OPRM1: variants seen among roughly 807,000 people sequenced by gnomAD.
OPRM1 encodes the protein mu-type opioid receptor.
Under a neutral mutation model 31.8 loss-of-function variants are expected in OPRM1, and 27 were observed. That is an observed-to-expected ratio of 0.85 (90% confidence interval 0.63 to 1.17). The LOEUF (loss-of-function observed/expected upper bound fraction) is 1.17. Among genes scored for constraint, OPRM1 ranks in the 50% most tolerant of loss-of-function variants. The probability of loss-of-function intolerance (pLI) is 0.00; values close to 1 mark genes in which losing one functional copy is unlikely to be tolerated. For missense variants in OPRM1, 536 were observed against 511.1 expected, an observed-to-expected ratio of 1.05 and a Z score of -0.47; for synonymous variants, 196 against 189.9, an observed-to-expected ratio of 1.03 and a Z score of -0.26.
chr6:154,213,025 G>C, intron 3 of OPRM1: 1 of 586,868 alleles, frequency 1.7e-6, no homozygotes, highest in East Asian at 2.8e-5. Context: ...TACATAAGAG[G>C]CAGAAACAAA....
intron 3 of OPRM1, among the ~76,000 whole-genome samples, chr6:154,106,073 A>C (rs1795524662): frequency 6.6e-6 from 1 of 152,204 alleles, no homozygotes; most frequent in South Asian, 2.1e-4. Context: ...CACACACAGA[A>C]TCTCTTACAA....
At chr6:154,193,233 T>C (rs1222867651) in intron 3 of OPRM1, among the ~76,000 whole-genome samples, 2 of 152,192 alleles carry the variant, frequency 1.3e-5, no homozygotes, top group Non-Finnish European at 1.5e-5. Flanking sequence ...TTGGATGGAA[T>C]TGGAGGCCAT....
intron 1 of OPRM1, among the ~76,000 whole-genome samples, chr6:154,064,699 T>C (rs1282815056): frequency 6.6e-6 from 1 of 152,202 alleles, no homozygotes; most frequent in African/African-American, 2.4e-5. Context: ...AGTTATTCTC[T>C]TGCATGTGAA....
intron 3 of OPRM1, among the ~76,000 whole-genome samples, chr6:154,226,490 T>C (rs955457250): frequency 6.6e-6 from 1 of 152,148 alleles, no homozygotes; most frequent in African/African-American, 2.4e-5. Context: ...AACTCTTCCA[T>C]TCCCTTCTCG....
chr6:154,206,579 T>G (rs974922154), intron 3 of OPRM1, among the ~76,000 whole-genome samples: 4 of 148,488 alleles, frequency 2.7e-5, no homozygotes, highest in African/African-American at 7.6e-5. Flanking sequence ...AAATCTCTAA[T>G]CAAAAGCAGA....
rs533089547 is a variant in OPRM1 at position 154,205,970 on chromosome 6, C to T, written c.1165-40723C>T. ...GCAGCCTTCCCCAGCTGCTGCTAGG[C>T]CTGAAACTAATGGCTTACATCTGAG... On this transcript the variant is annotated intron_variant, in intron 3 of 3. Transcript: ENST00000337049. Among the ~76,000 whole-genome samples, 15 of 152,158 alleles carry T rather than the reference C, an allele frequency of 9.9e-5. No individual in the cohort carries two copies. In the South Asian group the frequency reaches 3.1e-3, roughly 32 times the overall value.
At chr6:154,013,075 A>T (rs1434646855) in intron 1 of OPRM1, among the ~76,000 whole-genome samples, 1 of 152,188 alleles carries the variant, frequency 6.6e-6, no homozygotes, top group Non-Finnish European at 1.5e-5. Context: ...TTTGTTTCAT[A>T]ATATTTATTG....
intron 1 of OPRM1, among the ~76,000 whole-genome samples, chr6:154,042,237 GA>G (rs1780214848): frequency 6.6e-6 from 1 of 152,182 alleles, no homozygotes; most frequent in East Asian, 1.9e-4. Context: ...AAGCGACAGG[GA>G]AAGCATCTGG....
At chr6:154,158,986 C>G (rs1231373375) in intron 3 of OPRM1, 1 of 151,970 alleles carries the variant, frequency 6.6e-6, no homozygotes, top group Admixed American at 6.6e-5. Context: ...TCCTGGGAAA[C>G]CTGGATATAA....
Position 154,123,910 on chromosome 6 carries a change from T to C in OPRM1, c.*5189T>C, listed in dbSNP as rs1797439862. Among the ~76,000 whole-genome samples the C allele has an allele frequency of 6.6e-6, 1 of 152,236 alleles. No homozygotes were observed. The highest frequency in any genetic ancestry group is 1.5e-5 in the Non-Finnish European group (1 of 68,042). On this transcript the variant is annotated 3_prime_UTR_variant, in exon 4 of 4. Coordinates refer to ENST00000330432, the MANE Select transcript of OPRM1 (RefSeq NM_000914.5). ...CCACATCCTTTTATCAGTAAGATCT[T>C]CGTGACCTGTACCTTGTGCCAACCT...
chr6:154,183,783 G>A (rs375320943), intron 3 of OPRM1, among the ~76,000 whole-genome samples: 1 of 151,986 alleles, frequency 6.6e-6, no homozygotes, highest in Non-Finnish European at 1.5e-5. Flanking sequence ...CTAGCTACGT[G>A]GGAGGCTGAG....
At chr6:154,228,720 C>T (rs1279177620) in intron 3 of OPRM1, among the ~76,000 whole-genome samples, 2 of 152,154 alleles carry the variant, frequency 1.3e-5, no homozygotes, top group African/African-American at 2.4e-5. Flanking sequence ...GTATTTGTCT[C>T]CTTTAAACAC....
At chr6:154,147,944 A>G (rs1442514877) in intron 3 of OPRM1, among the ~76,000 whole-genome samples, 4 of 152,178 alleles carry the variant, frequency 2.6e-5, no homozygotes, top group Admixed American at 6.5e-5. Flanking sequence ...CCAGTTTTTT[A>G]TAAAGTATGG....
chr6:154,180,414 A>ATATATATATAT (rs1241250621), intron 3 of OPRM1, among the ~76,000 whole-genome samples: 10 of 65,266 alleles, frequency 1.5e-4, no homozygotes, highest in African/African-American at 4.8e-4. Context: ...ATATATATAT[A>ATATATATATAT]TTTTTTTTTT....
chr6:154,025,143 T>C (rs1778619351), intron 1 of OPRM1, among the ~76,000 whole-genome samples: 1 of 152,080 alleles, frequency 6.6e-6, no homozygotes, highest in Non-Finnish European at 1.5e-5. Flanking sequence ...TATTATTGTA[T>C]TGGGGCCTGT....
intron 3 of OPRM1, among the ~76,000 whole-genome samples, chr6:154,147,123 T>C (rs1798378703): frequency 6.6e-6 from 1 of 152,138 alleles, no homozygotes; most frequent in Non-Finnish European, 1.5e-5. Flanking sequence ...AAGCAGCTGC[T>C]ATTCAACCAG....
chr6:154,186,694 C>T (rs1335296723), intron 3 of OPRM1, among the ~76,000 whole-genome samples: 2 of 152,030 alleles, frequency 1.3e-5, no homozygotes, highest in Non-Finnish European at 2.9e-5. Context: ...GTAGCTGGGA[C>T]TACAGGCGCC....
At chr6:154,233,486 G>A (rs1779879626) in intron 3 of OPRM1, among the ~76,000 whole-genome samples, 1 of 152,060 alleles carries the variant, frequency 6.6e-6, no homozygotes, top group South Asian at 2.1e-4. Flanking sequence ...TAGATCCAGA[G>A]AGACTTTTTT....
At chr6:154,108,788 T>A in intron 3 of OPRM1, 1 of 985,330 alleles carries the variant, frequency 1.0e-6, no homozygotes, top group South Asian at 4.7e-5. Flanking sequence ...TTGACTCCCA[T>A]CTTAACAGTT....
Sources: allele counts gnomAD v4.1 joint callset (sites outside exome capture counted in the v4.1 genomes callset), GRCh38; gene constraint gnomAD v4.1.1; transcripts MANE v1.5; gene names NCBI Gene and HGNC (gene_info 2026-07-23, HGNC 2026-07-21).